Variants in COMMD8 observed in about 807,000 individuals in gnomAD.
The protein encoded by COMMD8 is COMM domain-containing protein 8.
A neutral mutation model predicts 27.2 loss-of-function variants in COMMD8; 28 were observed. That is an observed-to-expected ratio of 1.03 (90% CI 0.76 to 1.41). The LOEUF is 1.41. Ranked by LOEUF, COMMD8 falls within the 40% of genes most tolerant of loss-of-function variation. The pLI, the probability that COMMD8 is intolerant of heterozygous loss-of-function variation, is 0.00. For missense variants in COMMD8, 217 were observed against 211.2 expected (o/e 1.03, Z -0.17); for synonymous variants, 79 against 75.5 (o/e 1.05, Z -0.24).
chr4:47,451,908 A>G (rs1729764167), intron 4 of COMMD8, among the ~76,000 whole-genome samples: 1 of 152,218 alleles, frequency 6.6e-6, no homozygotes, highest in Non-Finnish European at 1.5e-5. Context: ...GCCAAGCCTG[A>G]GCTGCTCGTT....
chr4:47,456,476 T>C, intron 3 of COMMD8, 101 bp downstream of exon 3: 1 of 795,162 alleles, frequency 1.3e-6, no homozygotes, highest in Non-Finnish European at 1.8e-6. Context: ...TTTGGGATAA[T>C]ACATTCCCAA....
At chr4:47,462,625 G>A (rs960575198) in intron 1 of COMMD8, among the ~76,000 whole-genome samples, 1 of 152,124 alleles carries the variant, frequency 6.6e-6, no homozygotes, top group African/African-American at 2.4e-5. Flanking sequence ...TGGTAATAAA[G>A]GTTATGGGCC....
Position 47,460,315 on chromosome 4 carries a change from G to T in COMMD8, c.67-16C>A. 1 of 1,604,152 alleles carries T rather than the reference G, an allele frequency of 6.2e-7. No individual in the cohort carries two copies. Among genetic ancestry groups the T allele is most frequent in the Non-Finnish European group, 8.5e-7 (1 of 1,174,480 alleles). On this transcript the variant is annotated splice_polypyrimidine_tract_variant and intron_variant, in intron 1 of 4. Coordinates refer to ENST00000381571, the MANE Select transcript of COMMD8 (RefSeq NM_017845.5). ...TGTGAAGAAGCTAGCAAGAAAAAAG[G>T]AAATAAATGTACTTATAAGTAAAAT...
At chr4:47,453,638 G>GCTAT (rs10634466) in intron 3 of COMMD8, among the ~76,000 whole-genome samples, 6,549 of 152,228 alleles carry the variant, frequency 0.043, 448 homozygotes, top group African/African-American at 0.15. Context: ...TTCATGGTCA[G>GCTAT]CTATCTATCA....
chr4:47,452,036 T>C lies in COMMD8; in HGVS notation c.532-371A>G, dbSNP rs113449779. Among the ~76,000 whole-genome samples, 336 of 152,316 alleles carry C rather than the reference T, an allele frequency of 2.2e-3. 4 individuals are homozygous for C. Among genetic ancestry groups the C allele is most frequent in the African/African-American group, 7.7e-3 (321 of 41,566 alleles). On this transcript the variant is annotated intron_variant, in intron 4 of 4. Coordinates refer to ENST00000381571, the MANE Select transcript of COMMD8 (RefSeq NM_017845.5). Reference sequence around the variant, plus strand: ...AAAAAGGAGGATCAAGAAGATTAAATAGTAGGGCAATAGAGGTTGTAAGAA... The same window carrying C: ...AAAAAGGAGGATCAAGAAGATTAAACAGTAGGGCAATAGAGGTTGTAAGAA...
At position 47,460,230 on chromosome 4, in the gene COMMD8, A is replaced by C; in HGVS notation, c.136T>G (p.Trp46Gly). The change falls in exon 2 of 5, where the codon TGG (tryptophan) becomes GGG (glycine). Residue 46 changes from tryptophan to glycine, a missense_variant. By Grantham distance (184) the Trp-to-Gly change is radical. Transcript: ENST00000381571. ...ACGTGCATCCATTCTTCTGATTCCC[A>C]AACAGTGTGATAATCTTGGTACACA... ...YPVYQDYHTV[W>G]ESEEWMHVLE... is the part of the protein sequence containing the mutation. 1 of 1,613,554 alleles carries C rather than the reference A, an allele frequency of 6.2e-7. No individual in the cohort carries two copies.
chr4:47,463,533 G>C (rs895191676), intron 1 of COMMD8, 53 bp downstream of exon 1: 38 of 1,503,694 alleles, frequency 2.5e-5, no homozygotes, highest in Admixed American at 1.8e-4. Context: ...TCCGCACGCC[G>C]GGCTGTCGCG....
intron 1 of COMMD8, 130 bp from the exon 2 acceptor site, chr4:47,460,429 A>C (rs552469801): frequency 2.9e-6 from 2 of 688,414 alleles, no homozygotes; most frequent in African/African-American, 3.7e-5. Context: ...AAATGTATAA[A>C]CCACTTTTAA....
Position 47,463,586 on chromosome 4 carries a change from C to T in COMMD8, c.66G>A (p.Gln22=). 1 of 1,545,012 alleles carries T rather than the reference C, an allele frequency of 6.5e-7. No individual in the cohort carries two copies. The highest frequency in any genetic ancestry group is 8.7e-7 in the Non-Finnish European group (1 of 1,146,048). ...LQKLPAELGP[Q]LLHKIIDGIC... Reference sequence around the variant, plus strand: ...CGCTTCCCCCGGTACCCGCCCTCACCTGCGGGCCCAGCTCGGCCGGCAGCT... The same window carrying T: ...CGCTTCCCCCGGTACCCGCCCTCACTTGCGGGCCCAGCTCGGCCGGCAGCT... The change falls in exon 1 of 5, where the codon CAG becomes CAA. Residue 22 remains glutamine (Q), a splice_region_variant and synonymous_variant. Transcript: ENST00000381571.
In COMMD8 at chr4:47,451,787, T is replaced by C. The variant is rs551859473; in HGVS notation, c.532-122A>G. 617 of 647,566 alleles carry C rather than the reference T, an allele frequency of 9.5e-4. 2 individuals carry two copies. Among genetic ancestry groups the C allele is most frequent in the Admixed American group, 2.2e-3 (71 of 31,924 alleles). The allele number at this position is 647,566 out of a possible 1,614,324, so 40.1% of individuals were successfully genotyped here. On this transcript the variant is annotated intron_variant, in intron 4 of 4. Coordinates refer to ENST00000381571, the MANE Select transcript of COMMD8 (RefSeq NM_017845.5). Reference sequence around the variant, plus strand: ...GAGAACTCATAACAAGCAAGTACAATGCACAGTAACTGATGACATATGCCT... The same window carrying C: ...GAGAACTCATAACAAGCAAGTACAACGCACAGTAACTGATGACATATGCCT...
At position 47,460,357 on chromosome 4, in the gene COMMD8, C is replaced by T. The variant is rs1578175167; in HGVS notation, c.67-58G>A. ...AAGTAAAATGATGAAACAAATTTAT[C>T]TTCCTCTTAACAAACAAATGTTGGG... On this transcript the variant is annotated intron_variant, in intron 1 of 4. Transcript: ENST00000381571. 2.3e-5 allele frequency: 33 copies of T among 1,439,184 alleles called. No homozygotes were observed. In the East Asian group the frequency reaches 7.3e-4, roughly 32 times the overall value. The allele number at this position is 1,439,184 out of a possible 1,614,324, so 89.2% of individuals were successfully genotyped here. A position where few individuals can be genotyped will look rare whatever the true frequency, so the allele number is the denominator to read the frequency against.
At chr4:47,455,896 G>A (rs1260420378) in intron 3 of COMMD8, among the ~76,000 whole-genome samples, 1 of 152,064 alleles carries the variant, frequency 6.6e-6, no homozygotes, top group African/African-American at 2.4e-5. Context: ...CCTCCTAGAG[G>A]TAGAATCACA....
intron 4 of COMMD8, among the ~76,000 whole-genome samples, chr4:47,451,954 T>G (rs940089506): frequency 1.3e-5 from 2 of 152,204 alleles, no homozygotes; most frequent in Non-Finnish European, 2.9e-5. Context: ...ATCAAAGCAC[T>G]ACAATGTTTG....
intron 1 of COMMD8, 57 bp downstream of exon 1, chr4:47,463,529 C>A: frequency 6.7e-7 from 1 of 1,492,062 alleles, no homozygotes; most frequent in Non-Finnish European, 9.0e-7. Flanking sequence ...CTGATCCGCA[C>A]GCCGGGCTGT....
rs370770177 is a variant in COMMD8, at chr4:47,461,843, T to C, written c.67-1544A>G. Among the ~76,000 whole-genome samples, 29 of 152,338 alleles carry C rather than the reference T, an allele frequency of 1.9e-4. 1 individual carries two copies. The highest frequency in any genetic ancestry group is 6.3e-4 in the African/African-American group (26 of 41,570). ...ATAAGGCCCTACCATAACAGAGCTT[T>C]AGTCCATTCGAAAAAGGCAAACATA... is the stretch of plus-strand genomic sequence containing the variant. On this transcript the variant is annotated intron_variant, in intron 1 of 4. Coordinates refer to ENST00000381571, the MANE Select transcript of COMMD8 (RefSeq NM_017845.5).
intron 2 of COMMD8, among the ~76,000 whole-genome samples, chr4:47,458,049 A>C (rs1443871826): frequency 6.6e-6 from 1 of 152,112 alleles, no homozygotes; most frequent in African/African-American, 2.4e-5. Context: ...AATTCAGGGA[A>C]AAGCATTTCA....
chr4:47,455,838 C>CT (rs780925588), intron 3 of COMMD8, among the ~76,000 whole-genome samples: 2 of 152,140 alleles, frequency 1.3e-5, no homozygotes, highest in Non-Finnish European at 1.5e-5. Flanking sequence ...GATAGTGACT[C>CT]TCAAAATGTA....
intron 3 of COMMD8, among the ~76,000 whole-genome samples, 175 bp downstream of exon 3, chr4:47,456,402 A>ATGT (rs1553886698): frequency 1.3e-5 from 2 of 150,226 alleles, no homozygotes; most frequent in Non-Finnish European, 3.0e-5. Context: ...CATGGCTTAG[A>ATGT]TGTTTGTAGT....
At chr4:47,462,060 A>G (rs1730040308) in intron 1 of COMMD8, among the ~76,000 whole-genome samples, 1 of 152,258 alleles carries the variant, frequency 6.6e-6, no homozygotes, top group Admixed American at 6.5e-5. Context: ...GACAGGAGAC[A>G]AGGCTGGAGA....
Sources: gnomAD v4.1 joint callset for allele counts (sites outside exome capture counted in the v4.1 genomes callset) on GRCh38, gnomAD v4.1.1 for gene constraint, MANE v1.5 for transcripts, NCBI Gene and HGNC (gene_info 2026-07-23, HGNC 2026-07-21) for gene names.